The following RYR1 variants were observed in gnomAD, a reference collection of about 807,000 sequenced individuals.
RYR1 encodes ryanodine receptor 1, also known as central core disease of muscle.
Under a neutral mutation model 583.5 loss-of-function variants are expected in RYR1, and 342 were observed. The observed-to-expected ratio is 0.59, with a 90% confidence interval of 0.54 to 0.64. The LOEUF (loss-of-function observed/expected upper bound fraction) is 0.64, where lower values mean the gene tolerates loss of function less well. Among genes scored for constraint, RYR1 ranks in the 30% least tolerant of loss-of-function variants. The pLI is 0.00. For missense variants in RYR1, 6,032 were observed against 6,917.2 expected (o/e 0.87, Z 4.54); for synonymous variants, 2,791 against 2,822.5 (o/e 0.99, Z 0.35).
At chr19:38,510,146 C>T (rs1970661344) in intron 58 of RYR1, among the ~76,000 whole-genome samples, 1 of 151,998 alleles carries the variant, frequency 6.6e-6, no homozygotes, top group Non-Finnish European at 1.5e-5. Flanking sequence ...CATGGTGAAA[C>T]CTTGGCTGTA....
Position 38,506,832 on chromosome 19 carries a change from G to C in RYR1, c.8696G>C (p.Gly2899Ala), listed in dbSNP as rs970107177. 5 of 1,613,962 alleles carry C rather than the reference G, an allele frequency of 3.1e-6. No individual in the cohort carries two copies. The highest frequency in any genetic ancestry group is 3.3e-5 in the Admixed American group (2 of 59,994). Residue 2899 changes from glycine (G) to alanine (A), a missense_variant, in exon 57 of 106, where the codon GGT becomes GCT. Coordinates refer to ENST00000359596, the MANE Select transcript of RYR1 (RefSeq NM_000540.3). ...KKKQELEAKG[G>A]GTHPLLVPYD... is the part of the protein sequence containing the mutation. ...TTTCTGGTCTTTGCCTCCCCAGGCG[G>C]TGGGACCCACCCCCTGCTGGTCCCC... is the stretch of plus-strand genomic sequence containing the variant.
chr19:38,494,855 T>C (rs1362907877), intron 39 of RYR1, among the ~76,000 whole-genome samples: 9 of 119,206 alleles, frequency 7.5e-5, no homozygotes, highest in African/African-American at 1.3e-4. Context: ...ACCCCCCCCT[T>C]TTTTTTTTTT....
chr19:38,452,819 G>A lies in RYR1; in HGVS notation c.1245G>A (p.Lys415=), dbSNP rs758736842. The change falls in exon 13 of 106, where the codon AAG becomes AAA. Residue 415 remains lysine (K), a splice_region_variant and synonymous_variant. Transcript: ENST00000359596. ...STNGLYNQFI[K]SLDSFSGKPR... is the part of the protein sequence containing the mutation. ...GCTGACAGCTGCGAGGTCCCTGTAG[G>A]AGCCTGGACAGCTTCAGCGGGAAGC... 1 of 1,587,866 alleles carries A rather than the reference G, an allele frequency of 6.3e-7. No individual in the cohort carries two copies. The highest frequency in any genetic ancestry group is 2.3e-5 in the East Asian group (1 of 43,782).
intron 90 of RYR1, among the ~76,000 whole-genome samples, chr19:38,562,245 C>A (rs996795031): frequency 3.3e-5 from 5 of 152,106 alleles, no homozygotes; most frequent in Non-Finnish European, 5.9e-5. Flanking sequence ...TGCCCTATCT[C>A]AGCTCCTCCT....
In RYR1 at chr19:38,528,948, C is replaced by T; in HGVS notation, c.11035-3C>T. 6.2e-7 allele frequency: 1 copy of T among 1,606,512 alleles called. No individual in the cohort carries two copies. Among genetic ancestry groups the T allele is most frequent in the Non-Finnish European group, 8.5e-7 (1 of 1,176,388 alleles). On this transcript the variant is annotated splice_region_variant and splice_polypyrimidine_tract_variant and intron_variant, in intron 75 of 105. Transcript: ENST00000359596. ...TCTCCCCAAGTCTCCCCTCTCCCAC[C>T]AGAAAGCTGGGGAGCAGGAGGAGGA...
intron 39 of RYR1, among the ~76,000 whole-genome samples, chr19:38,494,889 G>A (rs1346497922): frequency 8.1e-6 from 1 of 123,196 alleles, no homozygotes; most frequent in Non-Finnish European, 1.6e-5. Context: ...GTCTCACTCT[G>A]TCACCCAGGC....
At chr19:38,546,069 C>T (rs1247948491) in intron 87 of RYR1, among the ~76,000 whole-genome samples, 4 of 152,104 alleles carry the variant, frequency 2.6e-5, no homozygotes, top group Non-Finnish European at 5.9e-5. Context: ...TCAATCCCAC[C>T]GTAGGCCAGG....
At chr19:38,473,272 G>A in intron 27 of RYR1, 105 bp from the exon 28 acceptor site, 1 of 1,389,820 alleles carries the variant, frequency 7.2e-7, no homozygotes, top group Non-Finnish European at 1.0e-6. Flanking sequence ...TTCCCATGCA[G>A]GTGCACTATG....
chr19:38,480,249 C>T (rs1968941973), intron 31 of RYR1, among the ~76,000 whole-genome samples: 1 of 151,938 alleles, frequency 6.6e-6, no homozygotes, highest in Admixed American at 6.6e-5. Context: ...TTCAAGTGAT[C>T]CTCCCACCTC....
intron 35 of RYR1, among the ~76,000 whole-genome samples, chr19:38,489,811 G>A (rs1221263576): frequency 6.6e-6 from 1 of 152,130 alleles, no homozygotes; most frequent in Non-Finnish European, 1.5e-5. Flanking sequence ...TGTATTTTTA[G>A]TAGAGATGGG....
rs765668209 is a variant in RYR1 at position 38,452,886 on chromosome 19, G to C, written c.1312G>C (p.Glu438Gln). 9 of 1,612,230 alleles carry C rather than the reference G, an allele frequency of 5.6e-6. No homozygotes were observed. The highest frequency in any genetic ancestry group is 7.6e-6 in the Non-Finnish European group (9 of 1,179,220). The change falls in exon 13 of 106, where the codon GAG becomes CAG. Residue 438 changes from glutamate (E) to glutamine (Q), a missense_variant. Glu to Gln is a conservative substitution (Grantham distance 29, BLOSUM62 2). Coordinates refer to ENST00000359596, the MANE Select transcript of RYR1 (RefSeq NM_000540.3). ...ACCCGCTGGCACGGCGCTGCCCATC[G>C]AGGGCGTTATCCTGAGCCTGCAGGA... ...GPPAGTALPI[E>Q]GVILSLQDLI...
At chr19:38,502,809 G>GCAGGGGCAGGGGCAGGGA (rs1568506821) in intron 48 of RYR1, 71 bp from the exon 49 acceptor site, 22 of 991,610 alleles carry the variant, frequency 2.2e-5, no homozygotes, top group Admixed American at 7.4e-5. Context: ...AGGGGCAGGG[G>GCAGGGGCAGGGGCAGGGA]GAGGAGCAGG....
intron 90 of RYR1, among the ~76,000 whole-genome samples, chr19:38,562,214 G>C (rs1224067774): frequency 6.6e-6 from 1 of 152,060 alleles, no homozygotes; most frequent in Non-Finnish European, 1.5e-5. Context: ...AGAGCCCTCA[G>C]ACCTACTCTC....
Position 38,500,837 on chromosome 19 carries a change from G to A in RYR1, c.7461G>A (p.Gln2487=), listed in dbSNP as rs768647526. Residue 2487 remains glutamine (Q), a synonymous_variant, in exon 47 of 106, where the codon CAG becomes CAA. Transcript: ENST00000359596. This position sits in a 1 kb window ranked among gnomAD's most constrained non-coding sequence, Gnocchi z 5.9. Reference sequence around the variant, plus strand: ...TGCCTGCAGATGGGGCTCTGGTGCAGCCAAAGATGTCAGCATCCTTCGTGC... The same window carrying A: ...TGCCTGCAGATGGGGCTCTGGTGCAACCAAAGATGTCAGCATCCTTCGTGC... ...PTLGKDGALV[Q]PKMSASFVPD... 2 of 1,613,614 alleles carry A rather than the reference G, an allele frequency of 1.2e-6. No homozygotes were observed. Among genetic ancestry groups the A allele is most frequent in the Non-Finnish European group, 1.7e-6 (2 of 1,179,882 alleles).
chr19:38,463,032 G>C (rs923526233), intron 20 of RYR1, among the ~76,000 whole-genome samples: 4 of 148,984 alleles, frequency 2.7e-5, no homozygotes. Context: ...AAGTAACTGG[G>C]ACTACAGGTG....
At chr19:38,528,780 G>A (rs528105981) in intron 75 of RYR1, 85 bp downstream of exon 75, 4 of 1,475,268 alleles carry the variant, frequency 2.7e-6, no homozygotes, top group Non-Finnish European at 3.8e-6. Context: ...TCCAGGGGTC[G>A]GCCCTCCACA....
chr19:38,503,259 A>G (rs1970284839), intron 49 of RYR1, among the ~76,000 whole-genome samples: 1 of 152,150 alleles, frequency 6.6e-6, no homozygotes, highest in African/African-American at 2.4e-5. Flanking sequence ...GGAGCACACC[A>G]CTTTCCCTAA....
intron 16 of RYR1, among the ~76,000 whole-genome samples, chr19:38,456,964 T>A (rs1967435160): frequency 7.6e-6 from 1 of 131,526 alleles, no homozygotes. Context: ...GAGAATGATG[T>A]GAACCCGGGA....
Position 38,455,243 on chromosome 19 carries a change from C to T in RYR1, c.1449C>T (p.Leu483=). The change falls in exon 14 of 106, where the codon CTC becomes CTT. Residue 483 remains leucine (L), a synonymous_variant. Coordinates refer to ENST00000359596, the MANE Select transcript of RYR1 (RefSeq NM_000540.3). ...RQSLFQEEGM[L]SMVLNCIDRL... ...TATTTTCCTCATCCTAGGGGATGCT[C>T]TCCATGGTCCTGAATTGCATAGACC... The T allele has an allele frequency of 6.2e-7, 1 of 1,614,148 alleles. No individual in the cohort carries two copies. The highest frequency in any genetic ancestry group is 8.5e-7 in the Non-Finnish European group (1 of 1,180,010).
Sources: gnomAD v4.1 joint callset for allele counts (sites outside exome capture counted in the v4.1 genomes callset) on GRCh38, gnomAD v4.1.1 for gene constraint, Gnocchi (gnomAD v3.1) non-coding constraint, MANE v1.5 for transcripts, NCBI Gene and HGNC (gene_info 2026-07-23, HGNC 2026-07-21) for gene names.